The following DPP10 variants were observed in gnomAD, a reference collection of about 807,000 sequenced individuals.
The protein encoded by DPP10 is inactive dipeptidyl peptidase 10.
DPP10 carries 33 observed loss-of-function variants against 120.9 expected under a neutral mutation model. The ratio of observed to expected loss-of-function variants is 0.27; its 90% CI spans 0.21 to 0.37. The LOEUF (loss-of-function observed/expected upper bound fraction) is 0.37, where lower values mean the gene tolerates loss of function less well. DPP10 is among the 10% of genes least tolerant of loss of function. The pLI is 1.00. For synonymous variants in DPP10, 337 were observed against 326.1 expected (o/e 1.03, Z -0.36); for missense variants, 816 against 942.8 (o/e 0.87, Z 1.76).
chr2:115,824,457 G>A (rs1325787839), intron 21 of DPP10, among the ~76,000 whole-genome samples: 1 of 152,026 alleles, frequency 6.6e-6, no homozygotes, highest in Non-Finnish European at 1.5e-5. Context: ...TTGTCCTAAT[G>A]ATCTCCTTTC....
At chr2:115,363,964 C>T (rs943506237) in intron 3 of DPP10, among the ~76,000 whole-genome samples, 36 of 151,616 alleles carry the variant, frequency 2.4e-4, no homozygotes, top group African/African-American at 8.5e-4. Context: ...GGTAACTTCC[C>T]TAGGCTCACA....
intron 1 of DPP10, among the ~76,000 whole-genome samples, chr2:115,158,771 T>C (rs1458692545): frequency 6.6e-6 from 1 of 152,210 alleles, no homozygotes; most frequent in Non-Finnish European, 1.5e-5. Flanking sequence ...CATGAAAAAG[T>C]ATTCAAAATA....
intron 8 of DPP10, among the ~76,000 whole-genome samples, chr2:115,730,182 G>C (rs190837496): frequency 4.6e-4 from 70 of 152,304 alleles, no homozygotes; most frequent in African/African-American, 1.4e-3. Flanking sequence ...GTGAGCGGCT[G>C]TAAGGCTTCT....
At chr2:114,881,134 A>C (rs1033432553) in intron 1 of DPP10, among the ~76,000 whole-genome samples, 3 of 152,126 alleles carry the variant, frequency 2.0e-5, no homozygotes, top group Non-Finnish European at 4.4e-5. Flanking sequence ...GATCTAGGAA[A>C]TGATTTATTT....
At chr2:115,161,483 C>CT (rs924425556) in intron 1 of DPP10, 3 of 151,606 alleles carry the variant, frequency 2.0e-5, no homozygotes, top group African/African-American at 7.3e-5. Context: ...GGCTCTCCCC[C>CT]CCCCCGGCTG....
intron 9 of DPP10, 135 bp from the exon 10 acceptor site, chr2:115,745,951 A>G: frequency 1.6e-6 from 1 of 610,790 alleles, no homozygotes; most frequent in Non-Finnish European, 2.7e-6. Flanking sequence ...ATTTAAAATC[A>G]TTTCTACTTC....
In DPP10 at chr2:115,463,216, G is replaced by A. The variant is rs143029946; in HGVS notation, c.272-36294G>A. Among the ~76,000 whole-genome samples the A allele has an allele frequency of 3.1e-3, 471 of 152,212 alleles. 2 individuals are homozygous for A. The highest frequency in any genetic ancestry group is 0.011 in the African/African-American group (449 of 41,526). On this transcript the variant is annotated intron_variant, in intron 3 of 25. Coordinates refer to ENST00000410059, the MANE Select transcript of DPP10 (RefSeq NM_020868.6). Reference sequence around the variant, plus strand: ...CCTATTTCTATACATGCATTACTTTGTAAGTTCTTTGCAGAGCATTTCCAT... The same window carrying A: ...CCTATTTCTATACATGCATTACTTTATAAGTTCTTTGCAGAGCATTTCCAT...
chr2:114,620,805 A>G (rs1465752892), intron 1 of DPP10, among the ~76,000 whole-genome samples: 1 of 152,068 alleles, frequency 6.6e-6, no homozygotes, highest in Non-Finnish European at 1.5e-5. Flanking sequence ...AGCTGAACAA[A>G]AATGCCGCAT....
chr2:114,450,959 C>T (rs778086454), intron 1 of DPP10, among the ~76,000 whole-genome samples: 59 of 152,156 alleles, frequency 3.9e-4, no homozygotes, highest in South Asian at 2.5e-3. Flanking sequence ...TCATTGCTGA[C>T]GGACTGAAAA....
At chr2:115,766,814 T>TA (rs1273635970) in intron 12 of DPP10, among the ~76,000 whole-genome samples, 1 of 152,000 alleles carries the variant, frequency 6.6e-6, no homozygotes, top group Non-Finnish European at 1.5e-5. Context: ...GGGGAGGTGT[T>TA]ATACACTTTT....
At chr2:114,532,936 A>C (rs920695029) in intron 1 of DPP10, among the ~76,000 whole-genome samples, 2 of 152,128 alleles carry the variant, frequency 1.3e-5, no homozygotes, top group Non-Finnish European at 2.9e-5. Flanking sequence ...TTCCCTACCT[A>C]CAGCTCTCAG....
At chr2:115,623,715 T>C (rs2085147833) in intron 5 of DPP10, among the ~76,000 whole-genome samples, 1 of 152,166 alleles carries the variant, frequency 6.6e-6, no homozygotes, top group Admixed American at 6.5e-5. Flanking sequence ...ACAAGATCTG[T>C]AGTTCTGAGG....
At position 115,510,671 on chromosome 2, in the gene DPP10, A is replaced by G. The variant is rs184664423; in HGVS notation, c.366+11067A>G. Among the ~76,000 whole-genome samples, 1,130 of 152,236 alleles carry G rather than the reference A, an allele frequency of 7.4e-3. 6 individuals are homozygous for G. The highest frequency in any genetic ancestry group is 0.025 in the African/African-American group (1,035 of 41,560). ...TTAAGATCAACTCGTAAAATTTGCA[A>G]ACAAAGTCAAAAGAAGCTAAGACTT... On this transcript the variant is annotated intron_variant, in intron 4 of 25. Coordinates refer to ENST00000410059, the MANE Select transcript of DPP10 (RefSeq NM_020868.6).
intron 1 of DPP10, among the ~76,000 whole-genome samples, chr2:114,752,287 C>T (rs751275054): frequency 2.0e-5 from 3 of 152,176 alleles, no homozygotes; most frequent in Non-Finnish European, 2.9e-5. Context: ...AGATAATCAT[C>T]TTCTTACTCT....
chr2:115,648,821 C>A (rs1191568283), intron 5 of DPP10, among the ~76,000 whole-genome samples: 1 of 151,920 alleles, frequency 6.6e-6, no homozygotes, highest in Admixed American at 6.6e-5. Context: ...GAAAGCAAAG[C>A]AGTAATAGGA....
At chr2:115,711,457 A>G (rs901818602) in intron 7 of DPP10, among the ~76,000 whole-genome samples, 1 of 152,142 alleles carries the variant, frequency 6.6e-6, no homozygotes, top group Non-Finnish European at 1.5e-5. Context: ...ACATCATAAA[A>G]TGGAGTTTAA....
intron 1 of DPP10, among the ~76,000 whole-genome samples, chr2:115,292,320 T>A (rs72840704): frequency 0.023 from 3,450 of 152,238 alleles, 68 homozygotes; most frequent in Non-Finnish European, 0.036. Flanking sequence ...GTCTAAACTC[T>A]TTTGATTTTA....
chr2:114,995,146 A>C (rs1025566077), intron 1 of DPP10, among the ~76,000 whole-genome samples: 1 of 152,164 alleles, frequency 6.6e-6, no homozygotes, highest in African/African-American at 2.4e-5. Flanking sequence ...TGCCCAGAGG[A>C]GCCTGCTGGA....
At chr2:115,658,743 T>G (rs1205435639) in intron 5 of DPP10, among the ~76,000 whole-genome samples, 1 of 152,126 alleles carries the variant, frequency 6.6e-6, no homozygotes, top group East Asian at 1.9e-4. Context: ...ATTTCTTTCT[T>G]TACAATACAT....
Sources: allele counts gnomAD v4.1 joint callset (sites outside exome capture counted in the v4.1 genomes callset), GRCh38; gene constraint gnomAD v4.1.1; transcripts MANE v1.5; gene names NCBI Gene and HGNC (gene_info 2026-07-23, HGNC 2026-07-21).